Variants in CCDC171 observed in about 807,000 individuals in gnomAD.
The protein encoded by CCDC171 is coiled-coil domain containing 171, also known as coiled-coil domain-containing protein 171.
A neutral mutation model predicts 168.2 loss-of-function variants in CCDC171; 177 were observed. The ratio of observed to expected loss-of-function variants is 1.05; its 90% confidence interval spans 0.93 to 1.19. The LOEUF (loss-of-function observed/expected upper bound fraction) is 1.19. CCDC171 is among the 50% of genes most tolerant of loss of function. The pLI is 0.00. For synonymous variants in CCDC171, 687 were observed against 540.8 expected (o/e 1.27, Z -3.75); for missense variants, 1,991 against 1,539.0 (o/e 1.29, Z -4.91).
intron 24 of CCDC171, 104 bp from the exon 25 acceptor site, chr9:15,920,166 T>TTG: frequency 1.7e-6 from 1 of 605,414 alleles, no homozygotes; most frequent in Non-Finnish European, 2.6e-6. Flanking sequence ...AGATGAAAAG[T>TTG]TGTTTATTTT....
In CCDC171 at chr9:15,695,296, C is replaced by T. The variant is rs781501154; in HGVS notation, c.1277C>T (p.Ser426Leu). ...TCENNVKELE[S>L]ILDSFTVSGQ... Reference sequence around the variant, plus strand: ...GAAAATAACGTGAAAGAATTGGAATCGATCTTGGACAGCTTTACTGTGTCG... The same window carrying T: ...GAAAATAACGTGAAAGAATTGGAATTGATCTTGGACAGCTTTACTGTGTCG... The change falls in exon 11 of 26, where the codon TCG (serine) becomes TTG (leucine). Residue 426 changes from serine (S) to leucine (L), a missense_variant. Physicochemically the swap from Ser to Leu is moderately radical, Grantham distance 145. Transcript: ENST00000380701. The T allele has an allele frequency of 1.4e-5, 22 of 1,613,924 alleles. No individual in the cohort carries two copies. Among genetic ancestry groups the T allele is most frequent in the Non-Finnish European group, 1.9e-5 (22 of 1,179,954 alleles).
At chr9:15,859,931 T>C (rs1445236935) in intron 23 of CCDC171, among the ~76,000 whole-genome samples, 3 of 151,866 alleles carry the variant, frequency 2.0e-5, no homozygotes, top group African/African-American at 7.3e-5. Flanking sequence ...GCCACGGAAG[T>C]GCTGGGATTA....
the CCDC171 span, among the ~76,000 whole-genome samples, chr9:16,097,054 G>C: frequency 2.6e-5 from 4 of 152,192 alleles, no homozygotes; most frequent in African/African-American, 9.7e-5. Flanking sequence ...TATCCTTGGA[G>C]AACAGAGGAG....
At chr9:16,003,460 T>C (rs1410868290) in intron 3 of CCDC171, among the ~76,000 whole-genome samples, 2 of 152,122 alleles carry the variant, frequency 1.3e-5, no homozygotes, top group Non-Finnish European at 2.9e-5. Flanking sequence ...CAAAAAGGGA[T>C]GGGAAAGTGT....
intron 7 of CCDC171, among the ~76,000 whole-genome samples, chr9:15,642,459 C>G (rs867205356): frequency 1.0e-4 from 15 of 149,460 alleles, no homozygotes; most frequent in Non-Finnish European, 2.2e-4. Flanking sequence ...GCCTATGAAA[C>G]AGTTTATGAA....
intron 3 of CCDC171, among the ~76,000 whole-genome samples, chr9:16,010,687 C>G (rs752633204): frequency 6.6e-6 from 1 of 151,716 alleles, no homozygotes; most frequent in Non-Finnish European, 1.5e-5. Context: ...GATGAGCACA[C>G]CTAGGTTCAA....
chr9:15,820,997 T>C lies in CCDC171; in HGVS notation c.3268-25705T>C, dbSNP rs1322442196. 1.4e-4 allele frequency among the ~76,000 whole-genome samples: 16 copies of C among 117,102 alleles called. 3 individuals are homozygous for C. In the East Asian group the frequency reaches 3.2e-3, roughly 24 times the overall value. 76.8% of individuals were successfully genotyped at this position (117,102 alleles called of 152,430 possible). On this transcript the variant is annotated intron_variant, in intron 21 of 25. Transcript: ENST00000380701. Reference sequence around the variant, plus strand: ...AAAAAGCTTACCCACCATGATCAAGTGGGCTTCATCCCTGGGATGCAAGGC... The same window carrying C: ...AAAAAGCTTACCCACCATGATCAAGCGGGCTTCATCCCTGGGATGCAAGGC...
At chr9:15,638,960 A>G (rs889876987) in intron 7 of CCDC171, among the ~76,000 whole-genome samples, 5 of 152,074 alleles carry the variant, frequency 3.3e-5, no homozygotes, top group Non-Finnish European at 7.4e-5. Context: ...CCTAATTCTG[A>G]GAGAACTGAA....
At chr9:16,103,746 G>A in the CCDC171 span, among the ~76,000 whole-genome samples, 12 of 152,294 alleles carry the variant, frequency 7.9e-5, no homozygotes, top group African/African-American at 2.9e-4. Flanking sequence ...GCAGGACCAA[G>A]GGCCATATCA....
chr9:15,873,589 T>C (rs191871231), intron 23 of CCDC171, among the ~76,000 whole-genome samples: 1 of 152,226 alleles, frequency 6.6e-6, no homozygotes, highest in Non-Finnish European at 1.5e-5. Flanking sequence ...GCCTATGTAT[T>C]GAAAACTCCT....
intron 1 of CCDC171, among the ~76,000 whole-genome samples, chr9:15,557,742 C>G (rs1330954795): frequency 6.6e-6 from 1 of 152,122 alleles, no homozygotes; most frequent in African/African-American, 2.4e-5. Flanking sequence ...TTTCTCCTGC[C>G]TGATTGCCCT....
chr9:15,634,159 A>G (rs1291030258), intron 7 of CCDC171, among the ~76,000 whole-genome samples: 2 of 152,200 alleles, frequency 1.3e-5, no homozygotes, highest in Admixed American at 6.5e-5. Flanking sequence ...CATGTACCCT[A>G]AAACTTAAAG....
chr9:15,824,686 C>G (rs570657488), intron 21 of CCDC171, among the ~76,000 whole-genome samples: 1 of 152,054 alleles, frequency 6.6e-6, no homozygotes, highest in Non-Finnish European at 1.5e-5. Context: ...TTCTATCCTG[C>G]GAACTCTTTA....
intron 23 of CCDC171, among the ~76,000 whole-genome samples, chr9:15,864,313 T>C (rs2061678871): frequency 6.6e-6 from 1 of 152,100 alleles, no homozygotes; most frequent in South Asian, 2.1e-4. Flanking sequence ...GAATTATTAT[T>C]TCTTTTTTTA....
intron 18 of CCDC171, among the ~76,000 whole-genome samples, chr9:15,767,631 C>T (rs935347882): frequency 7.9e-5 from 12 of 151,800 alleles, no homozygotes; most frequent in African/African-American, 2.9e-4. Flanking sequence ...AAAAAAATTA[C>T]AGAGTACATT....
intron 21 of CCDC171, among the ~76,000 whole-genome samples, chr9:15,802,694 C>G (rs772174515): frequency 2.0e-5 from 3 of 151,956 alleles, no homozygotes; most frequent in Non-Finnish European, 4.4e-5. Context: ...TCTTTGCTAT[C>G]GTAAATAGTG....
intron 21 of CCDC171, among the ~76,000 whole-genome samples, chr9:15,798,454 G>A (rs1318364674): frequency 6.6e-6 from 1 of 151,500 alleles, no homozygotes; most frequent in Admixed American, 6.6e-5. Context: ...TTTACTTTAA[G>A]TTCTGGGATA....
chr9:15,843,009 C>T (rs986589482), intron 21 of CCDC171, among the ~76,000 whole-genome samples: 6 of 151,954 alleles, frequency 3.9e-5, no homozygotes. Flanking sequence ...CTATACTTCA[C>T]TACTTCCTTT....
At chr9:15,748,106 T>C (rs1046564962) in intron 18 of CCDC171, among the ~76,000 whole-genome samples, 3 of 152,114 alleles carry the variant, frequency 2.0e-5, no homozygotes, top group Non-Finnish European at 4.4e-5. Context: ...TCTGAGCAAG[T>C]GACTTAACCT....
Sources: allele counts gnomAD v4.1 joint callset (sites outside exome capture counted in the v4.1 genomes callset), GRCh38; gene constraint gnomAD v4.1.1; transcripts MANE v1.5; gene names NCBI Gene and HGNC (gene_info 2026-07-23, HGNC 2026-07-21).